The following TUSC3 variants were observed in gnomAD, a reference collection of about 807,000 sequenced individuals.
TUSC3 encodes tumor suppressor candidate 3, also known as dolichyl-diphosphooligosaccharide--protein glycosyltransferase subunit TUSC3.
A neutral mutation model predicts 44.8 loss-of-function variants in TUSC3; 45 were observed. The observed-to-expected ratio is 1.00, with a 90% CI of 0.79 to 1.29. TUSC3 has a LOEUF of 1.29. Ranked by LOEUF, TUSC3 falls within the 50% of genes most tolerant of loss-of-function variation. The pLI is 0.00. For missense variants in TUSC3, 519 were observed against 437.9 expected (o/e 1.19, Z -1.65); for synonymous variants, 212 against 152.9 (o/e 1.39, Z -2.85).
At chr8:15,721,786 T>A (rs956995528) in intron 6 of TUSC3, among the ~76,000 whole-genome samples, 1 of 152,206 alleles carries the variant, frequency 6.6e-6, no homozygotes, top group Admixed American at 6.6e-5. Flanking sequence ...CAGGACAGAC[T>A]TTTTAAAGTT....
chr8:15,471,768 C>G (rs766838420), intron 1 of TUSC3, among the ~76,000 whole-genome samples: 10 of 152,092 alleles, frequency 6.6e-5, no homozygotes, highest in Non-Finnish European at 1.3e-4. Flanking sequence ...CAGGTGCTCA[C>G]CAACACGTCC....
At chr8:15,687,255 A>G (rs1331080129) in intron 6 of TUSC3, among the ~76,000 whole-genome samples, 1 of 152,172 alleles carries the variant, frequency 6.6e-6, no homozygotes, top group Admixed American at 6.5e-5. Context: ...GTACAGATAC[A>G]TCATGCAGCT....
chr8:15,816,697 CATTCA>C, the TUSC3 span, among the ~76,000 whole-genome samples: 10 of 152,156 alleles, frequency 6.6e-5, no homozygotes, highest in Non-Finnish European at 1.3e-4. Context: ...GAACAAAAGA[CATTCA>C]CATGCTCTCA....
chr8:15,726,280 A>G (rs1344792467), intron 6 of TUSC3, among the ~76,000 whole-genome samples: 1 of 152,154 alleles, frequency 6.6e-6, no homozygotes, highest in Non-Finnish European at 1.5e-5. Flanking sequence ...AAACACTAAT[A>G]TTAAACAAAA....
Position 15,418,352 on chromosome 8 carries a change from A to AT in TUSC3, n.91+1055dup, listed in dbSNP as rs373528425. ...TATGTTTTCCCAACATAGATGACGC[A>AT]TTTTTTTTCAAACAAAATCATTTTT... is the stretch of plus-strand genomic sequence containing the variant. On this transcript the variant is annotated intron_variant and non_coding_transcript_variant, in intron 1 of 5. Coordinates refer to the TUSC3 transcript ENST00000503191. Among the ~76,000 whole-genome samples, 455 of 152,034 alleles carry AT rather than the reference A, an allele frequency of 3.0e-3. 5 individuals are homozygous for AT. The highest frequency in any genetic ancestry group is 0.01 in the East Asian group (52 of 5,178).
At chr8:15,640,592 C>T (rs1300714779) in intron 2 of TUSC3, among the ~76,000 whole-genome samples, 1 of 152,140 alleles carries the variant, frequency 6.6e-6, no homozygotes, top group East Asian at 1.9e-4. Context: ...GCCTCCCCTG[C>T]CCCTAAAGAA....
intron 2 of TUSC3, among the ~76,000 whole-genome samples, chr8:15,504,388 A>T (rs1473709189): frequency 6.6e-6 from 1 of 151,984 alleles, no homozygotes; most frequent in East Asian, 1.9e-4. Flanking sequence ...TGTAATGCCT[A>T]GCACAAAATA....
chr8:15,692,073 G>T (rs764341307), intron 6 of TUSC3, among the ~76,000 whole-genome samples: 2 of 152,124 alleles, frequency 1.3e-5, no homozygotes, highest in Non-Finnish European at 2.9e-5. Flanking sequence ...GAGCCACCAC[G>T]CCTGGCACAT....
intron 1 of TUSC3, among the ~76,000 whole-genome samples, chr8:15,417,708 C>T (rs549323816): frequency 6.6e-6 from 1 of 152,320 alleles, no homozygotes; most frequent in African/African-American, 2.4e-5. Context: ...GGCTGTGCTT[C>T]AGGACTTCAA....
chr8:15,513,857 T>A (rs2129128473), intron 2 of TUSC3, among the ~76,000 whole-genome samples: 1 of 152,266 alleles, frequency 6.6e-6, no homozygotes, highest in East Asian at 1.9e-4. Flanking sequence ...TCAGTCTAAC[T>A]TTTACTTGCT....
rs777834566 is a variant in TUSC3, at chr8:15,658,077, C to G, written c.427-1430C>G. On this transcript the variant is annotated intron_variant, in intron 3 of 10. Coordinates refer to ENST00000503731, the MANE Select transcript of TUSC3 (RefSeq NM_006765.4). ...CTAAAGCTTCCACGTCTTAATATTGCTACAGTGGCAATTAGATTTTCAACA... is the reference window on the plus strand; with the variant it reads ...CTAAAGCTTCCACGTCTTAATATTGGTACAGTGGCAATTAGATTTTCAACA... 4.9e-4 allele frequency among the ~76,000 whole-genome samples: 74 copies of G among 152,226 alleles called. 2 individuals carry two copies. The Middle Eastern group carries it at 0.017, about 35-fold the overall frequency.
At chr8:15,467,549 T>C (rs371709532) in intron 1 of TUSC3, among the ~76,000 whole-genome samples, 18 of 152,268 alleles carry the variant, frequency 1.2e-4, no homozygotes, top group African/African-American at 3.4e-4. Flanking sequence ...GCCAGTTTCA[T>C]TGGGAGATGA....
chr8:15,712,491 G>A (rs1379974951), intron 6 of TUSC3, among the ~76,000 whole-genome samples: 2 of 151,676 alleles, frequency 1.3e-5, no homozygotes, highest in African/African-American at 4.8e-5. Context: ...TGCTTATTTC[G>A]ATCTTTATTC....
intron 1 of TUSC3, among the ~76,000 whole-genome samples, chr8:15,593,349 G>T (rs958090659): frequency 2.6e-5 from 4 of 152,140 alleles, no homozygotes; most frequent in African/African-American, 9.7e-5. Context: ...GCCTCCCAAA[G>T]TGCTGGGATT....
rs546854136 is a variant in TUSC3, at chr8:15,714,400, A to G, written c.799-16266A>G. ...TTGAAAAAAATGACATCTCATCGCT[A>G]TTTCCAGCCAGAAAGTGTTTGAATT... On this transcript the variant is annotated intron_variant, in intron 6 of 10. Coordinates refer to ENST00000503731, the MANE Select transcript of TUSC3 (RefSeq NM_006765.4). Among the ~76,000 whole-genome samples, 12 of 152,292 alleles carry G rather than the reference A, an allele frequency of 7.9e-5. No individual in the cohort carries two copies. In the South Asian group the frequency reaches 2.5e-3, roughly 32 times the overall value.
chr8:15,505,760 C>G (rs904735143), intron 2 of TUSC3, among the ~76,000 whole-genome samples: 3 of 151,968 alleles, frequency 2.0e-5, no homozygotes, highest in Admixed American at 1.3e-4. Context: ...TATTTTTTTT[C>G]TGTTTTTTTT....
intron 2 of TUSC3, among the ~76,000 whole-genome samples, chr8:15,508,138 G>C (rs1015773853): frequency 6.6e-6 from 1 of 152,106 alleles, no homozygotes; most frequent in Non-Finnish European, 1.5e-5. Flanking sequence ...ACTCAGGAAC[G>C]TGAGGCAGGA....
At position 15,430,639 on chromosome 8, in the gene TUSC3, C is replaced by G. The variant is rs1035398513; in HGVS notation, n.91+13334C>G. Among the ~76,000 whole-genome samples the G allele has an allele frequency of 1.3e-4, 20 of 151,496 alleles. 1 individual carries two copies. The highest frequency in any genetic ancestry group is 4.6e-4 in the African/African-American group (19 of 40,934). On this transcript the variant is annotated intron_variant and non_coding_transcript_variant, in intron 1 of 5. Transcript: ENST00000503191. The stretch of plus-strand genomic sequence containing the variant: ...GGAAGTTCTGGCCAGGGCAATCAGG[C>G]AGGAGAAGGAAATAAAGGGCATTCA...
chr8:15,667,820 AG>A (rs1357935272), intron 5 of TUSC3, among the ~76,000 whole-genome samples: 12 of 151,792 alleles, frequency 7.9e-5, no homozygotes, highest in African/African-American at 2.9e-4. Flanking sequence ...CGCTTATGAA[AG>A]TTCGTTGTAT....
Sources: allele counts gnomAD v4.1 joint callset (sites outside exome capture counted in the v4.1 genomes callset), GRCh38; gene constraint gnomAD v4.1.1; transcripts MANE v1.5; gene names NCBI Gene and HGNC (gene_info 2026-07-23, HGNC 2026-07-21).